Variants in NAAA observed in about 807,000 individuals in gnomAD.
NAAA encodes the protein N-acylethanolamine acid amidase, also known as N-acylethanolamine-hydrolyzing acid amidase.
NAAA carries 39 observed loss-of-function variants against 44.8 expected under a neutral mutation model. The ratio of observed to expected loss-of-function variants is 0.87; its 90% CI spans 0.67 to 1.14. NAAA has a LOEUF of 1.14. NAAA is among the 50% of genes most tolerant of loss of function. The pLI is 0.00. For synonymous variants in NAAA, 178 were observed against 191.3 expected (o/e 0.93, Z 0.58); for missense variants, 460 against 467.8 (o/e 0.98, Z 0.15).
chr4:75,912,722 C>A (rs7663979), downstream of NAAA, among the ~76,000 whole-genome samples: 13,736 of 151,694 alleles, frequency 0.091, 1,123 homozygotes, highest in African/African-American at 0.22. Context: ...TGCAGTGGGC[C>A]GAGATTGCAC....
At chr4:75,933,440 GTCT>G (rs1727421961) in intron 3 of NAAA, among the ~76,000 whole-genome samples, 2 of 152,036 alleles carry the variant, frequency 1.3e-5, no homozygotes, top group Non-Finnish European at 2.9e-5. Flanking sequence ...GCAGAAATAA[GTCT>G]TCCTTACTAC....
downstream of NAAA, among the ~76,000 whole-genome samples, chr4:75,912,689 G>A (rs1014048379): frequency 2.0e-5 from 3 of 152,136 alleles, no homozygotes; most frequent in Non-Finnish European, 4.4e-5. Flanking sequence ...CACAAGAATC[G>A]CTTGAACCCT....
downstream of NAAA, among the ~76,000 whole-genome samples, chr4:75,912,517 G>A (rs190630981): frequency 1.4e-3 from 201 of 146,730 alleles, no homozygotes; most frequent in African/African-American, 4.4e-3. Context: ...TCGTGCCATC[G>A]CACTCCAGCC....
chr4:75,912,032 G>T (rs144300983), downstream of NAAA, among the ~76,000 whole-genome samples: 595 of 152,322 alleles, frequency 3.9e-3, 3 homozygotes, highest in African/African-American at 0.013. Flanking sequence ...GATGGAGTCA[G>T]CCATGCTAGA....
At chr4:75,919,332 A>G (rs111427893) in intron 8 of NAAA, 12,963 of 153,858 alleles carry the variant, frequency 0.084, 952 homozygotes, top group African/African-American at 0.2. Context: ...GTGAGCCACC[A>G]CATCCGGCCT....
intron 4 of NAAA, among the ~76,000 whole-genome samples, chr4:75,929,076 T>G (rs1263217646): frequency 6.6e-6 from 1 of 151,754 alleles, no homozygotes; most frequent in Non-Finnish European, 1.5e-5. Flanking sequence ...ACAGGCATGA[T>G]CCACCGCGCC....
intron 3 of NAAA, chr4:75,935,716 G>T: frequency 4.4e-6 from 1 of 229,492 alleles, no homozygotes. Flanking sequence ...ATAGAATCAA[G>T]ATTTAAACCT....
rs552771896 is a variant in NAAA, at chr4:75,914,121, C to T, written c.*254G>A. 5 of 985,634 alleles carry T rather than the reference C, an allele frequency of 5.1e-6. 1 individual carries two copies. Among genetic ancestry groups the T allele is most frequent in the Middle Eastern group, 1.0e-3 (2 of 1,916 alleles). The allele number at this position is 985,634 out of a possible 1,614,324, so 61.1% of individuals were successfully genotyped here. On this transcript the variant is annotated 3_prime_UTR_variant, in exon 11 of 11. Transcript: ENST00000286733. ...TGAGTTATTCAGGCCAGGATAGAAG[C>T]TTAGAGAGGATCGAGGCAAACCATG...
Position 75,940,744 on chromosome 4 carries a change from CCGATGACTTGCGCCAT to C in NAAA, c.190_205del (p.Met64GlyfsTer11). 6.3e-7 allele frequency: 1 copy of C among 1,595,540 alleles called. No individual in the cohort carries two copies. ...GACCCCGTCCAGGGCCCCAGCTCAC[CCGATGACTTGCGCCAT>C]CGCGGCGCGCACCAAGTCCAAGTCG... On this transcript the variant is annotated frameshift_variant and splice_region_variant, in exon 1 of 11. Transcript: ENST00000286733. LOFTEE classifies it high-confidence loss of function.
chr4:75,925,340 C>T (rs1031165936), intron 5 of NAAA, among the ~76,000 whole-genome samples: 2 of 152,134 alleles, frequency 1.3e-5, no homozygotes, highest in African/African-American at 4.8e-5. Context: ...CTGCCTGGAG[C>T]ATAACTTCTA....
downstream of NAAA, among the ~76,000 whole-genome samples, chr4:75,913,152 G>A (rs1007208103): frequency 1.3e-5 from 2 of 152,022 alleles, no homozygotes; most frequent in African/African-American, 4.8e-5. Flanking sequence ...TACTGAGCAC[G>A]AGATAAATGC....
intron 1 of NAAA, 187 bp from the exon 2 acceptor site, chr4:75,940,352 G>A: frequency 3.3e-6 from 2 of 613,052 alleles, no homozygotes; most frequent in Non-Finnish European, 5.5e-6. Context: ...GGAAGGGGGC[G>A]GGGGGAAGGC....
At chr4:75,931,125 T>C in intron 4 of NAAA, 89 bp downstream of exon 4, 3 of 1,002,096 alleles carry the variant, frequency 3.0e-6, no homozygotes, top group Non-Finnish European at 4.6e-6. Context: ...GTGGGTGTTC[T>C]GTATATTCTG....
downstream of NAAA, among the ~76,000 whole-genome samples, chr4:75,910,796 ACT>A (rs1311272129): frequency 6.6e-6 from 1 of 152,228 alleles, no homozygotes; most frequent in Non-Finnish European, 1.5e-5. Flanking sequence ...ACCACGTGAC[ACT>A]GTTATCACTG....
At chr4:75,924,351 G>A (rs1368388030) in intron 5 of NAAA, among the ~76,000 whole-genome samples, 1 of 152,180 alleles carries the variant, frequency 6.6e-6, no homozygotes, top group Non-Finnish European at 1.5e-5. Context: ...ACTGAGATGC[G>A]TAACAGTCTG....
chr4:75,911,044 C>A (rs1183913244), downstream of NAAA, among the ~76,000 whole-genome samples: 1 of 151,994 alleles, frequency 6.6e-6, no homozygotes, highest in Non-Finnish European at 1.5e-5. Flanking sequence ...TACAAAGTAC[C>A]TTCTCAAGGG....
downstream of NAAA, among the ~76,000 whole-genome samples, chr4:75,912,238 G>A (rs1233587360): frequency 6.6e-6 from 1 of 152,116 alleles, no homozygotes; most frequent in Admixed American, 6.6e-5. Context: ...AACAAAAATG[G>A]AATAAGACTA....
downstream of NAAA, among the ~76,000 whole-genome samples, chr4:75,911,170 G>A (rs1725308831): frequency 6.6e-6 from 1 of 152,140 alleles, no homozygotes; most frequent in Non-Finnish European, 1.5e-5. Context: ...AGTTAGGGTG[G>A]GGCAGGAACA....
rs1726615737 is a variant in NAAA, at chr4:75,925,719, C to A, written c.666+16G>T. On this transcript the variant is annotated intron_variant, in intron 5 of 10. Transcript: ENST00000286733. ...GGAGGTGGAGTTAAGGAGGGCTCCACATTAAATATACTCACAGCGCGGATC... is the reference window on the plus strand; with the variant it reads ...GGAGGTGGAGTTAAGGAGGGCTCCAAATTAAATATACTCACAGCGCGGATC... 3 of 1,613,640 alleles carry A rather than the reference C, an allele frequency of 1.9e-6. No homozygotes were observed. The African/African-American group carries it at 4.0e-5, about 22-fold the overall frequency.
Sources: allele counts gnomAD v4.1 joint callset (sites outside exome capture counted in the v4.1 genomes callset), GRCh38; gene constraint gnomAD v4.1.1; transcripts MANE v1.5; gene names NCBI Gene and HGNC (gene_info 2026-07-23, HGNC 2026-07-21).